The following LRRC3B variants were observed in gnomAD, a reference collection of about 807,000 sequenced individuals.
The protein encoded by LRRC3B is leucine rich repeat containing 3B.
Under a neutral mutation model 12.8 loss-of-function variants are expected in LRRC3B, and 2 were observed. That is an observed-to-expected ratio of 0.16 (90% CI 0.06 to 0.49). The LOEUF (loss-of-function observed/expected upper bound fraction) is 0.49. Ranked by LOEUF, LRRC3B falls within the 20% of genes least tolerant of loss-of-function variation. LRRC3B has a pLI of 0.96. For synonymous variants in LRRC3B, 132 were observed against 122.0 expected, an observed-to-expected ratio of 1.08 and a Z score of -0.54; for missense variants, 189 against 319.4, an observed-to-expected ratio of 0.59 and a Z score of 3.11.
chr3:26,700,955 A>G (rs962271963), intron 1 of LRRC3B, among the ~76,000 whole-genome samples: 1 of 152,180 alleles, frequency 6.6e-6, no homozygotes, highest in African/African-American at 2.4e-5. Context: ...GTATAAAATG[A>G]AACTTTCCTT....
intron 1 of LRRC3B, among the ~76,000 whole-genome samples, chr3:26,671,373 T>TATGGAG (rs1261897533): frequency 3.5e-5 from 1 of 28,248 alleles, no homozygotes; most frequent in Non-Finnish European, 6.0e-5. Context: ...TATATATATA[T>TATGGAG]AGAGAGAGAG....
At chr3:26,663,780 A>G (rs1699542244) in intron 1 of LRRC3B, among the ~76,000 whole-genome samples, 2 of 152,050 alleles carry the variant, frequency 1.3e-5, no homozygotes, top group Non-Finnish European at 2.9e-5. Context: ...CTCCCTGTCA[A>G]TCAATACTAC....
At chr3:26,696,530 G>A (rs1700322540) in intron 1 of LRRC3B, among the ~76,000 whole-genome samples, 1 of 152,126 alleles carries the variant, frequency 6.6e-6, no homozygotes, top group Non-Finnish European at 1.5e-5. Context: ...GTTTGTAAGT[G>A]AGGTTACTAC....
At chr3:26,631,913 AT>A (rs1481790471) in intron 1 of LRRC3B, among the ~76,000 whole-genome samples, 11 of 151,236 alleles carry the variant, frequency 7.3e-5, no homozygotes. Context: ...AATGTCAAGG[AT>A]GTGTCTGACA....
chr3:26,666,455 A>ATATT (rs1699605704), intron 1 of LRRC3B, among the ~76,000 whole-genome samples: 1 of 152,082 alleles, frequency 6.6e-6, no homozygotes, highest in Non-Finnish European at 1.5e-5. Flanking sequence ...GAGGGTAATA[A>ATATT]TATTTATTAG....
At chr3:26,686,863 C>T (rs59337960) in intron 1 of LRRC3B, among the ~76,000 whole-genome samples, 9,441 of 152,220 alleles carry the variant, frequency 0.062, 977 homozygotes, top group African/African-American at 0.21. Context: ...CTAGACTGGT[C>T]CTTCAGAGTT....
At chr3:26,629,257 T>C (rs377310709) in intron 1 of LRRC3B, among the ~76,000 whole-genome samples, 10 of 145,268 alleles carry the variant, frequency 6.9e-5, no homozygotes, top group African/African-American at 2.5e-4. Flanking sequence ...CCTTCCTTTC[T>C]TCCTTTCTTC....
At chr3:26,683,448 G>A (rs1338086191) in intron 1 of LRRC3B, among the ~76,000 whole-genome samples, 1 of 152,128 alleles carries the variant, frequency 6.6e-6, no homozygotes, top group Non-Finnish European at 1.5e-5. Context: ...CTCTAGCAAG[G>A]TCTAGAGAAA....
intron 1 of LRRC3B, among the ~76,000 whole-genome samples, chr3:26,698,752 C>T (rs1347518566): frequency 1.3e-5 from 2 of 152,086 alleles, no homozygotes; most frequent in Non-Finnish European, 1.5e-5. Flanking sequence ...AATAATTTGA[C>T]AGCTGCGGTT....
At chr3:26,649,637 C>G (rs1220775245) in intron 1 of LRRC3B, among the ~76,000 whole-genome samples, 2 of 152,306 alleles carry the variant, frequency 1.3e-5, no homozygotes, top group Non-Finnish European at 2.9e-5. Context: ...ATTCACTGCT[C>G]CTTCTCCTTC....
intron 1 of LRRC3B, among the ~76,000 whole-genome samples, chr3:26,697,900 A>C (rs1700359080): frequency 6.6e-6 from 1 of 152,198 alleles, no homozygotes; most frequent in Non-Finnish European, 1.5e-5. Flanking sequence ...TATGCTCTTC[A>C]TACTCTTCCC....
intron 1 of LRRC3B, among the ~76,000 whole-genome samples, chr3:26,634,469 G>A (rs1698823406): frequency 6.6e-6 from 1 of 152,126 alleles, no homozygotes; most frequent in East Asian, 1.9e-4. Context: ...ACATCACAAG[G>A]AGCTTGACAT....
intron 1 of LRRC3B, among the ~76,000 whole-genome samples, chr3:26,646,718 G>A (rs1699158733): frequency 6.6e-6 from 1 of 150,880 alleles, no homozygotes; most frequent in South Asian, 2.1e-4. Flanking sequence ...AGAGGATCCT[G>A]TGGAGGATGC....
exon 2 of LRRC3B, chr3:26,709,980 T>C (rs781567226): frequency 6.2e-7 from 1 of 1,614,138 alleles, no homozygotes; most frequent in Admixed American, 1.7e-5. Context: ...ATTGAGTTTA[T>C]CGATGAGCAT....
At chr3:26,673,215 T>TA (rs1336412237) in intron 1 of LRRC3B, among the ~76,000 whole-genome samples, 14 of 152,280 alleles carry the variant, frequency 9.2e-5, no homozygotes, top group South Asian at 2.1e-4. Flanking sequence ...AGTCATTCTT[T>TA]AAAAAAAATC....
intron 1 of LRRC3B, among the ~76,000 whole-genome samples, chr3:26,636,950 CTTTCTTTCTTTCTTTCTT>C (rs1559350358): frequency 8.1e-6 from 1 of 122,866 alleles, no homozygotes; most frequent in Admixed American, 9.0e-5. Context: ...TTCTTTCTTT[CTTTCTTTCTTTCTTTCTT>C]TCTTTCTCTC....
intron 1 of LRRC3B, among the ~76,000 whole-genome samples, chr3:26,628,696 T>A (rs941307640): frequency 7.9e-5 from 12 of 151,928 alleles, no homozygotes; most frequent in African/African-American, 2.9e-4. Context: ...AACATGATAA[T>A]GACATATGAA....
At chr3:26,685,392 C>T (rs1575160507) in intron 1 of LRRC3B, among the ~76,000 whole-genome samples, 1 of 150,596 alleles carries the variant, frequency 6.6e-6, no homozygotes, top group African/African-American at 2.5e-5. Flanking sequence ...TGCTACCTAT[C>T]TTACTAGTAT....
chr3:26,703,803 T>C (rs141087107), intron 1 of LRRC3B, among the ~76,000 whole-genome samples: 110 of 152,030 alleles, frequency 7.2e-4, no homozygotes, highest in African/African-American at 2.2e-3. Context: ...GTACTGCTTT[T>C]AATAATTCAT....
Sources: allele counts gnomAD v4.1 joint callset (sites outside exome capture counted in the v4.1 genomes callset), GRCh38; gene constraint gnomAD v4.1.1; transcripts MANE v1.5; gene names NCBI Gene and HGNC (gene_info 2026-07-23, HGNC 2026-07-21).